Variants in CSMD1 observed in about 807,000 individuals in gnomAD.
The protein encoded by CSMD1 is CUB and sushi domain-containing protein 1.
CSMD1 carries 213 observed loss-of-function variants against 417.5 expected under a neutral mutation model. The observed-to-expected ratio is 0.51, with a 90% confidence interval of 0.46 to 0.57. The LOEUF (loss-of-function observed/expected upper bound fraction) is 0.57, where lower values mean the gene tolerates loss of function less well. CSMD1 is among the 20% of genes least tolerant of loss of function. The pLI is 0.00. For synonymous variants in CSMD1, 2,862 were observed against 1,736.8 expected (o/e 1.65, Z -16.11); for missense variants, 6,923 against 4,529.7 (o/e 1.53, Z -15.17).
intron 3 of CSMD1, among the ~76,000 whole-genome samples, chr8:4,190,130 G>C (rs1356074212): frequency 6.6e-6 from 1 of 151,584 alleles, no homozygotes; most frequent in Non-Finnish European, 1.5e-5. Flanking sequence ...GTGGTGGCAG[G>C]TGCCTGTGGT....
At chr8:4,061,748 C>G (rs1290101820) in intron 3 of CSMD1, among the ~76,000 whole-genome samples, 1 of 152,130 alleles carries the variant, frequency 6.6e-6, no homozygotes, top group Admixed American at 6.5e-5. Context: ...ATGAGTGAGT[C>G]ACCTCTCTGC....
At chr8:3,241,438 T>A (rs542732552) in intron 26 of CSMD1, among the ~76,000 whole-genome samples, 17 of 152,254 alleles carry the variant, frequency 1.1e-4, no homozygotes, top group African/African-American at 3.9e-4. Flanking sequence ...GGCATCTGTG[T>A]TGGTCTACAG....
chr8:3,201,547 C>G (rs1796993653), intron 32 of CSMD1, 65 bp downstream of exon 32: 2 of 783,802 alleles, frequency 2.6e-6, no homozygotes, highest in Non-Finnish European at 4.0e-6. Flanking sequence ...AAGAAACAGA[C>G]AAGTTAAAAA....
chr8:3,266,872 A>G (rs1801472227), intron 26 of CSMD1, among the ~76,000 whole-genome samples: 2 of 152,006 alleles, frequency 1.3e-5, no homozygotes. Flanking sequence ...TCACAGAGTG[A>G]TGAGTGTAGA....
intron 2 of CSMD1, among the ~76,000 whole-genome samples, chr8:4,454,606 G>C (rs1355580497): frequency 1.3e-5 from 2 of 152,150 alleles, no homozygotes; most frequent in Non-Finnish European, 2.9e-5. Context: ...TGGGGAAGGA[G>C]GGCATAGCAG....
chr8:3,953,387 A>G (rs191494714), intron 5 of CSMD1, among the ~76,000 whole-genome samples: 2 of 152,346 alleles, frequency 1.3e-5, no homozygotes, highest in East Asian at 3.9e-4. Context: ...GTTTATATAT[A>G]CTTAGATATT....
intron 3 of CSMD1, among the ~76,000 whole-genome samples, chr8:4,368,023 G>A (rs1156327501): frequency 1.3e-5 from 2 of 152,060 alleles, no homozygotes; most frequent in African/African-American, 4.8e-5. Context: ...TTGGCTGATT[G>A]CTCTGGCTAG....
At chr8:4,706,572 T>A (rs1584973091) in intron 1 of CSMD1, among the ~76,000 whole-genome samples, 1 of 152,234 alleles carries the variant, frequency 6.6e-6, no homozygotes. Flanking sequence ...AGTCAACTTA[T>A]GCCATGTTTA....
chr8:3,751,522 T>C (rs114632971), intron 6 of CSMD1, among the ~76,000 whole-genome samples: 2,389 of 149,322 alleles, frequency 0.016, 29 homozygotes, highest in Middle Eastern at 0.029. Flanking sequence ...AATTTATGCT[T>C]CTATAATATA....
chr8:4,056,078 C>T (rs1271337667), intron 3 of CSMD1, among the ~76,000 whole-genome samples: 3 of 97,840 alleles, frequency 3.1e-5, no homozygotes, highest in Non-Finnish European at 1.9e-5. Flanking sequence ...TGGTGGCTTC[C>T]TTTTTTTTTT....
In CSMD1 at chr8:3,878,740, C is replaced by T. The variant is rs371028664; in HGVS notation, c.818+119163G>A. ...ACTGTGTCATGGGAAATATTAGACC[C>T]TTGTACTTTATGTTGGACAGTTATG... is the stretch of plus-strand genomic sequence containing the variant. On this transcript the variant is annotated intron_variant, in intron 5 of 69. Transcript: ENST00000635120. Among the ~76,000 whole-genome samples, 24 of 152,196 alleles carry T rather than the reference C, an allele frequency of 1.6e-4. No homozygotes were observed. The South Asian group carries it at 4.1e-3, about 26-fold the overall frequency.
intron 1 of CSMD1, among the ~76,000 whole-genome samples, chr8:4,901,218 C>T (rs906658135): frequency 6.6e-6 from 1 of 152,156 alleles, no homozygotes; most frequent in African/African-American, 2.4e-5. Flanking sequence ...GTAGAAACAA[C>T]TATATTTCAG....
At chr8:3,952,053 T>C (rs1251951914) in intron 5 of CSMD1, among the ~76,000 whole-genome samples, 2 of 152,316 alleles carry the variant, frequency 1.3e-5, no homozygotes, top group Middle Eastern at 6.8e-3. Flanking sequence ...GGTAAATAAT[T>C]GTAAAATTCA....
chr8:3,293,479 C>T (rs575421116), intron 25 of CSMD1, among the ~76,000 whole-genome samples: 73 of 152,272 alleles, frequency 4.8e-4, no homozygotes, highest in South Asian at 8.3e-4. Flanking sequence ...GACGTAGATT[C>T]GGTCTTTTCA....
intron 1 of CSMD1, among the ~76,000 whole-genome samples, chr8:4,917,663 A>AATAAG (rs1007671816): frequency 1.3e-5 from 2 of 151,608 alleles, no homozygotes; most frequent in South Asian, 2.1e-4. Flanking sequence ...AATAAAATAA[A>AATAAG]AAATAAAATA....
At chr8:4,045,630 G>A (rs914691842) in intron 3 of CSMD1, among the ~76,000 whole-genome samples, 1 of 152,166 alleles carries the variant, frequency 6.6e-6, no homozygotes, top group Non-Finnish European at 1.5e-5. Context: ...CATAGAAAAG[G>A]GGAAATTAGC....
At chr8:4,015,880 C>G (rs1315697955) in intron 4 of CSMD1, among the ~76,000 whole-genome samples, 5 of 152,146 alleles carry the variant, frequency 3.3e-5, no homozygotes, top group Admixed American at 6.5e-5. Flanking sequence ...GTTTACATCT[C>G]ATGCTTCCAA....
intron 7 of CSMD1, among the ~76,000 whole-genome samples, chr8:3,647,609 C>T (rs1444959894): frequency 6.6e-6 from 1 of 152,106 alleles, no homozygotes; most frequent in East Asian, 1.9e-4. Flanking sequence ...CCACTGGCAA[C>T]ATTTGAAATG....
chr8:4,301,998 A>G (rs746436082), intron 3 of CSMD1, among the ~76,000 whole-genome samples: 4 of 152,228 alleles, frequency 2.6e-5, no homozygotes, highest in Non-Finnish European at 4.4e-5. Flanking sequence ...ATGTTAGAAC[A>G]AGTTAATATG....
Sources: gnomAD v4.1 joint callset for allele counts (sites outside exome capture counted in the v4.1 genomes callset) on GRCh38, gnomAD v4.1.1 for gene constraint, MANE v1.5 for transcripts, NCBI Gene and HGNC (gene_info 2026-07-23, HGNC 2026-07-21) for gene names.